Variants in IGF1R observed in about 807,000 individuals in gnomAD.
The protein encoded by IGF1R is insulin like growth factor 1 receptor, also known as insulin-like growth factor 1 receptor.
In IGF1R, 44 loss-of-function variants were observed where a neutral mutation model predicts 144.6. The ratio of observed to expected loss-of-function variants is 0.30; its 90% CI spans 0.24 to 0.39. The LOEUF (loss-of-function observed/expected upper bound fraction) is 0.39, where lower values mean the gene tolerates loss of function less well. IGF1R is among the 10% of genes least tolerant of loss of function. The probability of loss-of-function intolerance (pLI) is 1.00; values close to 1 mark genes in which losing one functional copy is unlikely to be tolerated. For synonymous variants in IGF1R, 795 were observed against 722.8 expected (o/e 1.10, Z -1.60); for missense variants, 1,355 against 1,833.7 (o/e 0.74, Z 4.77).
intron 20 of IGF1R, among the ~76,000 whole-genome samples, chr15:98,949,530 C>G (rs45469494): frequency 0.07 from 10,715 of 152,048 alleles, 668 homozygotes; most frequent in African/African-American, 0.17. Context: ...AGGCACCCAC[C>G]ACCACTCCCA....
chr15:98,662,709 G>A (rs974338349), intron 1 of IGF1R, among the ~76,000 whole-genome samples: 2 of 152,124 alleles, frequency 1.3e-5, no homozygotes, highest in Non-Finnish European at 2.9e-5. Flanking sequence ...GTGGGGTCAC[G>A]GAACTGCAGA....
chr15:98,896,733 G>T (rs1567183723), intron 3 of IGF1R, 24 bp from the exon 4 acceptor site: 6 of 1,608,104 alleles, frequency 3.7e-6, no homozygotes, highest in African/African-American at 2.7e-5. Context: ...GTGTGTTTTT[G>T]ATTTTTTTTT....
chr15:98,729,915 T>A (rs1425650217), intron 2 of IGF1R, among the ~76,000 whole-genome samples: 1 of 152,236 alleles, frequency 6.6e-6, no homozygotes, highest in African/African-American at 2.4e-5. Context: ...TTCTCACTTG[T>A]AACACCCTGT....
intron 2 of IGF1R, among the ~76,000 whole-genome samples, chr15:98,851,928 T>G (rs898576711): frequency 6.6e-6 from 1 of 152,248 alleles, no homozygotes; most frequent in African/African-American, 2.4e-5. Flanking sequence ...ACGGGGCATC[T>G]GATTCACCCG....
At chr15:98,888,212 G>T (rs2013733618) in intron 2 of IGF1R, among the ~76,000 whole-genome samples, 1 of 152,196 alleles carries the variant, frequency 6.6e-6, no homozygotes, top group South Asian at 2.1e-4. Flanking sequence ...CGCTGATCCT[G>T]CGTGCATCTG....
intron 2 of IGF1R, among the ~76,000 whole-genome samples, chr15:98,785,458 A>C (rs183268838): frequency 4.0e-4 from 61 of 152,346 alleles, no homozygotes; most frequent in Admixed American, 3.5e-3. Context: ...TTTCAGTCCC[A>C]GGTAATCCAG....
At chr15:98,665,162 A>G (rs1049429788) in intron 1 of IGF1R, among the ~76,000 whole-genome samples, 6 of 152,138 alleles carry the variant, frequency 3.9e-5, no homozygotes, top group East Asian at 1.9e-4. Context: ...CGTGTTAGCC[A>G]GGATGGTCTT....
At position 98,916,718 on chromosome 15, in the gene IGF1R, G is replaced by A. The variant is rs2151682714; in HGVS notation, c.2043G>A (p.Glu681=). Residue 681 remains glutamate, a synonymous_variant, in exon 10 of 21, where the codon GAG becomes GAA. Coordinates refer to ENST00000650285, the MANE Select transcript of IGF1R (RefSeq NM_000875.5). The part of the protein sequence containing the change: ...RKYADGTIDI[E]EVTENPKTEV... ...ATGCCGACGGCACCATCGACATTGA[G>A]GAGGTCACAGAGAACCCCAAGACTG... 9.3e-6 allele frequency: 15 copies of A among 1,614,122 alleles called. No homozygotes were observed. Among genetic ancestry groups the A allele is most frequent in the Non-Finnish European group, 1.3e-5 (15 of 1,180,012 alleles).
intron 2 of IGF1R, among the ~76,000 whole-genome samples, chr15:98,717,952 T>C (rs2054159374): frequency 6.6e-6 from 1 of 152,200 alleles, no homozygotes; most frequent in Admixed American, 6.5e-5. Context: ...GGTATATGTG[T>C]GCACACGTGC....
intron 13 of IGF1R, among the ~76,000 whole-genome samples, chr15:98,927,840 C>A (rs1393820567): frequency 6.6e-6 from 1 of 152,194 alleles, no homozygotes; most frequent in Non-Finnish European, 1.5e-5. Context: ...AGGGGACTTA[C>A]GATTAATGTT....
In IGF1R at chr15:98,672,652, C is replaced by T. The variant is rs189044942; in HGVS notation, c.94+22977C>T. Reference sequence around the variant, plus strand: ...TCCATGCTAAACGTTGTATTTCTTCCGGTCTCATTTGTGATGAGAGTCATA... The same window carrying T: ...TCCATGCTAAACGTTGTATTTCTTCTGGTCTCATTTGTGATGAGAGTCATA... On this transcript the variant is annotated intron_variant, in intron 1 of 20. Coordinates refer to ENST00000650285, the MANE Select transcript of IGF1R (RefSeq NM_000875.5). 2.0e-4 allele frequency among the ~76,000 whole-genome samples: 31 copies of T among 151,860 alleles called. No individual in the cohort carries two copies. The East Asian group carries it at 4.3e-3, about 21-fold the overall frequency.
chr15:98,841,129 A>G (rs1181401532), intron 2 of IGF1R, among the ~76,000 whole-genome samples: 2 of 152,180 alleles, frequency 1.3e-5, no homozygotes, highest in African/African-American at 4.8e-5. Flanking sequence ...TATTGAAGTT[A>G]CCTAGTGCAT....
At chr15:98,842,547 T>G (rs569208504) in intron 2 of IGF1R, among the ~76,000 whole-genome samples, 1 of 152,240 alleles carries the variant, frequency 6.6e-6, no homozygotes, top group Non-Finnish European at 1.5e-5. Flanking sequence ...GTAATTGATG[T>G]GTTAACAATT....
At chr15:98,726,927 G>T (rs1420346963) in intron 2 of IGF1R, among the ~76,000 whole-genome samples, 1 of 151,788 alleles carries the variant, frequency 6.6e-6, no homozygotes, top group African/African-American at 2.4e-5. Context: ...CACCATGTTG[G>T]CCAGGCAGGT....
chr15:98,720,403 C>G (rs550490329), intron 2 of IGF1R, among the ~76,000 whole-genome samples: 1 of 152,190 alleles, frequency 6.6e-6, no homozygotes, highest in Non-Finnish European at 1.5e-5. Flanking sequence ...TCGGATAGAT[C>G]TGTTGGCCGT....
At chr15:98,739,622 T>TG (rs748905992) in intron 2 of IGF1R, among the ~76,000 whole-genome samples, 2 of 1,802 alleles carry the variant, frequency 1.1e-3, no homozygotes, top group African/African-American at 2.0e-3. Context: ...GAAAAAAAAA[T>TG]TTTTTTGAAA....
chr15:98,845,919 G>A (rs2011311681), intron 2 of IGF1R, among the ~76,000 whole-genome samples: 1 of 152,138 alleles, frequency 6.6e-6, no homozygotes, highest in Non-Finnish European at 1.5e-5. Flanking sequence ...TAAAAGGTTC[G>A]AGATATGAGC....
chr15:98,878,663 C>CAAAAAAAAAAAAAAAA (rs138285597), intron 2 of IGF1R, among the ~76,000 whole-genome samples: 4 of 57,906 alleles, frequency 6.9e-5, no homozygotes, highest in African/African-American at 2.1e-4. Context: ...GTGAAAGACT[C>CAAAAAAAAAAAAAAAA]AAAAAAAAAA....
chr15:98,741,056 A>T (rs28376710), intron 2 of IGF1R, among the ~76,000 whole-genome samples: 2 of 152,108 alleles, frequency 1.3e-5, no homozygotes, highest in African/African-American at 2.4e-5. Context: ...TTATTTTTTT[A>T]AAAAGCTTTA....
Sources: allele counts gnomAD v4.1 joint callset (sites outside exome capture counted in the v4.1 genomes callset), GRCh38; gene constraint gnomAD v4.1.1; transcripts MANE v1.5; gene names NCBI Gene and HGNC (gene_info 2026-07-23, HGNC 2026-07-21).